STAC: variants seen among roughly 807,000 people sequenced by gnomAD.
STAC encodes SH3 and cysteine rich domain, also known as SH3 and cysteine-rich domain-containing protein.
In STAC, 43 loss-of-function variants were observed where a neutral mutation model predicts 48.8. The observed-to-expected ratio is 0.88, with a 90% CI of 0.69 to 1.14. STAC has a LOEUF of 1.14. Ranked by LOEUF, STAC falls within the 50% of genes most tolerant of loss-of-function variation. The pLI, the probability that STAC is intolerant of heterozygous loss-of-function variation, is 0.00. For missense variants in STAC, 497 were observed against 504.0 expected (o/e 0.99, Z 0.13); for synonymous variants, 193 against 179.5 (o/e 1.07, Z -0.60).
At position 36,380,505 on chromosome 3, in the gene STAC, G is replaced by T. The variant is rs1270855112; in HGVS notation, c.-139G>T. 2.4e-5 allele frequency: 15 copies of T among 628,998 alleles called. No homozygotes were observed. Among genetic ancestry groups the T allele is most frequent in the South Asian group, 1.7e-4 (9 of 51,968 alleles). The allele number at this position is 628,998 out of a possible 1,614,324, so 39.0% of individuals were successfully genotyped here. On this transcript the variant is annotated 5_prime_UTR_variant, in exon 1 of 11. Coordinates refer to ENST00000273183, the MANE Select transcript of STAC (RefSeq NM_003149.3). Reference sequence around the variant, plus strand: ...GGAGGGAGAGGGAGCGAGGCTGGAGGAGGGCACGTCGGCGCCTCGGCGAGG... The same window carrying T: ...GGAGGGAGAGGGAGCGAGGCTGGAGTAGGGCACGTCGGCGCCTCGGCGAGG...
chr3:36,449,502 A>C (rs1178384197), intron 2 of STAC, among the ~76,000 whole-genome samples: 1 of 152,226 alleles, frequency 6.6e-6, no homozygotes, highest in Non-Finnish European at 1.5e-5. Context: ...AGAGATTATT[A>C]ATTATAAATG....
At chr3:36,441,530 A>G (rs1696349250) in intron 1 of STAC, among the ~76,000 whole-genome samples, 1 of 152,178 alleles carries the variant, frequency 6.6e-6, no homozygotes. Context: ...TATCTTGGCT[A>G]TTGTGAATAG....
At chr3:36,494,292 A>C (rs1360845585) in intron 6 of STAC, among the ~76,000 whole-genome samples, 1 of 152,206 alleles carries the variant, frequency 6.6e-6, no homozygotes, top group Non-Finnish European at 1.5e-5. Flanking sequence ...TTATCAAAAA[A>C]TATTTATGAA....
At chr3:36,387,424 C>G (rs1201420738) in intron 1 of STAC, among the ~76,000 whole-genome samples, 2 of 152,074 alleles carry the variant, frequency 1.3e-5, no homozygotes, top group African/African-American at 4.8e-5. Context: ...CCACTCATCT[C>G]CAGAACATCT....
At chr3:36,497,617 C>G (rs1698181877) in intron 6 of STAC, among the ~76,000 whole-genome samples, 1 of 151,986 alleles carries the variant, frequency 6.6e-6, no homozygotes, top group Non-Finnish European at 1.5e-5. Context: ...AAAAGATACC[C>G]TTAGGATCAC....
intron 2 of STAC, among the ~76,000 whole-genome samples, chr3:36,473,660 T>C (rs1207078522): frequency 2.0e-5 from 3 of 152,200 alleles, no homozygotes; most frequent in Admixed American, 2.0e-4. Flanking sequence ...CATGGTGTCT[T>C]TATAAACTAT....
intron 1 of STAC, among the ~76,000 whole-genome samples, chr3:36,414,606 T>C (rs1402906302): frequency 6.6e-6 from 1 of 152,212 alleles, no homozygotes; most frequent in East Asian, 1.9e-4. Flanking sequence ...TTAACTTCTT[T>C]GCGATGGGTT....
At chr3:36,522,305 T>C (rs1368630115) in intron 8 of STAC, among the ~76,000 whole-genome samples, 1 of 152,154 alleles carries the variant, frequency 6.6e-6, no homozygotes, top group Non-Finnish European at 1.5e-5. Flanking sequence ...CTTTAAACAG[T>C]TTATTGTCTT....
intron 6 of STAC, among the ~76,000 whole-genome samples, chr3:36,494,405 T>C (rs555507996): frequency 6.6e-6 from 1 of 152,264 alleles, no homozygotes; most frequent in South Asian, 2.1e-4. Context: ...AAGTTATCCC[T>C]CCAAACTCCA....
intron 2 of STAC, among the ~76,000 whole-genome samples, chr3:36,472,160 T>A (rs1697357249): frequency 6.6e-6 from 1 of 152,328 alleles, no homozygotes; most frequent in Admixed American, 6.5e-5. Flanking sequence ...CAACACCACA[T>A]AGAAGCTGCC....
chr3:36,410,391 A>G (rs184553216), intron 1 of STAC, among the ~76,000 whole-genome samples: 1 of 152,300 alleles, frequency 6.6e-6, no homozygotes, highest in Non-Finnish European at 1.5e-5. Context: ...CTCTGTGCTA[A>G]GAGCTTTATG....
intron 8 of STAC, among the ~76,000 whole-genome samples, chr3:36,522,314 T>G (rs2125726630): frequency 6.6e-6 from 1 of 152,312 alleles, no homozygotes; most frequent in East Asian, 1.9e-4. Context: ...GTTTATTGTC[T>G]TTATCCTTTG....
At chr3:36,464,683 A>G (rs1697115299) in intron 2 of STAC, among the ~76,000 whole-genome samples, 1 of 152,100 alleles carries the variant, frequency 6.6e-6, no homozygotes, top group Non-Finnish European at 1.5e-5. Flanking sequence ...GTGAGATCAT[A>G]TGATGTTTGG....
chr3:36,528,657 T>C, intron 8 of STAC, 39 bp from the exon 9 acceptor site: 1 of 1,519,846 alleles, frequency 6.6e-7, no homozygotes, highest in Non-Finnish European at 8.9e-7. Context: ...TATTTTTCTT[T>C]TTTTTTCCTT....
At chr3:36,525,531 C>G (rs1469396876) in intron 8 of STAC, among the ~76,000 whole-genome samples, 2 of 152,142 alleles carry the variant, frequency 1.3e-5, no homozygotes, top group Non-Finnish European at 2.9e-5. Flanking sequence ...GGAAAGGTAC[C>G]TCCCACAGTC....
At chr3:36,485,123 G>A in intron 4 of STAC, 65 bp downstream of exon 4, 2 of 1,383,480 alleles carry the variant, frequency 1.4e-6, no homozygotes, top group Non-Finnish European at 1.0e-6. Flanking sequence ...AATGGCTACT[G>A]TCCTCCCATG....
intron 2 of STAC, among the ~76,000 whole-genome samples, chr3:36,480,219 G>T (rs1183838207): frequency 5.3e-5 from 8 of 152,290 alleles, no homozygotes; most frequent in Admixed American, 5.2e-4. Context: ...GTAAGTAATT[G>T]CTTTCAAAGT....
At chr3:36,504,262 G>T in intron 6 of STAC, 131 bp from the exon 7 acceptor site, 1 of 783,086 alleles carries the variant, frequency 1.3e-6, no homozygotes. Flanking sequence ...GGGTCACAGA[G>T]GGTGAGGAAA....
At chr3:36,541,410 G>A (rs1699321614) in intron 10 of STAC, among the ~76,000 whole-genome samples, 1 of 152,204 alleles carries the variant, frequency 6.6e-6, no homozygotes, top group African/African-American at 2.4e-5. Flanking sequence ...CCAATCATCA[G>A]TGTTTGCCTC....
Sources: allele counts gnomAD v4.1 joint callset (sites outside exome capture counted in the v4.1 genomes callset), GRCh38; gene constraint gnomAD v4.1.1; transcripts MANE v1.5; gene names NCBI Gene and HGNC (gene_info 2026-07-23, HGNC 2026-07-21).